BPIFB4: variants seen among roughly 807,000 people sequenced by gnomAD.
The protein encoded by BPIFB4 is BPI fold-containing family B member 4.
A neutral mutation model predicts 69.2 loss-of-function variants in BPIFB4; 62 were observed. That is an observed-to-expected ratio of 0.90 (90% confidence interval 0.73 to 1.11). BPIFB4 has a LOEUF of 1.11. Among genes scored for constraint, BPIFB4 ranks in the 50% least tolerant of loss-of-function variants. The pLI, the probability that BPIFB4 is intolerant of heterozygous loss-of-function variation, is 0.00. For missense variants in BPIFB4, 789 were observed against 792.0 expected, an observed-to-expected ratio of 1.00 and a Z score of 0.04; for synonymous variants, 330 against 332.7, an observed-to-expected ratio of 0.99 and a Z score of 0.09.
chr20:33,083,839 G>A lies in BPIFB4; in HGVS notation c.642G>A (p.Glu214=), dbSNP rs1272943586. ...GGGGTGTCCTGGGCGTGCTCGGCGA[G>A]GGTGGCATCCTCAGCACTGTGCAAG... ...GGGGVLGVLG[E]GGILSTVQGI... is the part of the protein sequence containing the mutation. The change falls in exon 5 of 18, where the codon GAG becomes GAA. Residue 214 remains glutamate (E), a synonymous_variant. Transcript: ENST00000375483. 5 of 1,613,316 alleles carry A rather than the reference G, an allele frequency of 3.1e-6. No individual in the cohort carries two copies. Among genetic ancestry groups the A allele is most frequent in the Non-Finnish European group, 4.2e-6 (5 of 1,179,722 alleles).
chr20:33,103,788 T>A (rs1981971156), intron 15 of BPIFB4, among the ~76,000 whole-genome samples: 1 of 152,236 alleles, frequency 6.6e-6, no homozygotes, highest in Non-Finnish European at 1.5e-5. Context: ...GTGAAGCCGA[T>A]CTTGCCAGCT....
At chr20:33,092,991 T>C (rs1981651991) in intron 11 of BPIFB4, among the ~76,000 whole-genome samples, 1 of 152,216 alleles carries the variant, frequency 6.6e-6, no homozygotes, top group African/African-American at 2.4e-5. Context: ...AATGTTTTCA[T>C]TTGGTAAACA....
chr20:33,110,483 G>T (rs1305433571), intron 17 of BPIFB4, among the ~76,000 whole-genome samples: 1 of 152,138 alleles, frequency 6.6e-6, no homozygotes, highest in Non-Finnish European at 1.5e-5. Flanking sequence ...TCCCTTAGTA[G>T]CTAATCAATC....
chr20:33,089,592 G>A, intron 9 of BPIFB4, 34 bp downstream of exon 9: 1 of 1,614,152 alleles, frequency 6.2e-7, no homozygotes, highest in African/African-American at 1.3e-5. Context: ...GCCTGGGGAA[G>A]GCACTGAGGA....
At chr20:33,100,343 G>A in intron 13 of BPIFB4, 83 bp from the exon 14 acceptor site, 1 of 1,210,072 alleles carries the variant, frequency 8.3e-7, no homozygotes, top group Non-Finnish European at 1.2e-6. Context: ...GCCCTAGCTA[G>A]CACTGGGCAC....
In BPIFB4 at chr20:33,107,726, C is replaced by A. The variant is rs767538081; in HGVS notation, c.1745-18C>A. On this transcript the variant is annotated intron_variant, in intron 16 of 17. Transcript: ENST00000375483. ...CTCTTGGACCACTGACCATGTCTGA[C>A]TGTTTTTTATTTTACAGCTGTGCTG... The A allele has an allele frequency of 6.2e-7, 1 of 1,605,786 alleles. No homozygotes were observed. The highest frequency in any genetic ancestry group is 1.1e-5 in the South Asian group (1 of 90,804).
intron 10 of BPIFB4, 71 bp from the exon 11 acceptor site, chr20:33,092,387 C>T (rs1420709108): frequency 2.8e-6 from 4 of 1,405,928 alleles, no homozygotes; most frequent in African/African-American, 2.8e-5. Context: ...TTCAGGGCCT[C>T]ACTCCAGCCT....
chr20:33,106,427 C>G (rs1238101452), intron 16 of BPIFB4, among the ~76,000 whole-genome samples: 4 of 142,074 alleles, frequency 2.8e-5, no homozygotes, highest in Non-Finnish European at 6.0e-5. Context: ...GGCTAGAGTA[C>G]AGTGGCACGA....
Position 33,088,972 on chromosome 20 carries a change from C to A in BPIFB4, c.933C>A (p.Leu311=). ...CCTGCTCCTGTCTCCTTAGGCTTCT[C>A]CCCAATCTCGTGGACAATTTAGTGA... ...GIKVKLLRGL[L]PNLVDNLVNR... is the part of the protein sequence containing the mutation. The change falls in exon 8 of 18, where the codon CTC becomes CTA. Residue 311 remains leucine (L), a synonymous_variant. Coordinates refer to ENST00000375483, the MANE Select transcript of BPIFB4 (RefSeq NM_182519.3). 6.2e-7 allele frequency: 1 copy of A among 1,613,856 alleles called. No homozygotes were observed. Among genetic ancestry groups the A allele is most frequent in the South Asian group, 1.1e-5 (1 of 91,064 alleles).
At chr20:33,099,520 C>G (rs1272696072) in intron 13 of BPIFB4, among the ~76,000 whole-genome samples, 1 of 152,220 alleles carries the variant, frequency 6.6e-6, no homozygotes, top group Non-Finnish European at 1.5e-5. Context: ...CTCTGCCTGG[C>G]TTGGTCCCTT....
At position 33,083,452 on chromosome 20, in the gene BPIFB4, C is replaced by A; in HGVS notation, c.255C>A (p.Tyr85Ter). Residue 85 changes from tyrosine to a stop codon, truncating the protein, a stop_gained, in exon 5 of 18, where the codon TAC (tyrosine) becomes TAA (stop). Coordinates refer to ENST00000375483, the MANE Select transcript of BPIFB4 (RefSeq NM_182519.3). LOFTEE classifies it high-confidence loss of function. ...ACGGCAAAAAACTTGATGGTATTTA[C>A]CAGTATGGTCACATTGAGACCAACG... ...YTNGKKLDGIYQYGHIETNDN... is the reference protein window; with the variant it reads ...YTNGKKLDGI 1 of 1,613,834 alleles carries A rather than the reference C, an allele frequency of 6.2e-7. No individual in the cohort carries two copies. The highest frequency in any genetic ancestry group is 1.1e-5 in the South Asian group (1 of 91,048).
chr20:33,092,667 C>G lies in BPIFB4; in HGVS notation c.1344+9C>G. The G allele has an allele frequency of 6.2e-7, 1 of 1,601,962 alleles. No homozygotes were observed. Among genetic ancestry groups the G allele is most frequent in the Non-Finnish European group, 8.5e-7 (1 of 1,175,386 alleles). Reference sequence around the variant, plus strand: ...ATATCACCAATGGCATGGTGAGTCACAGCCCCACCAGGGGGAGGTGGCTGG... The same window carrying G: ...ATATCACCAATGGCATGGTGAGTCAGAGCCCCACCAGGGGGAGGTGGCTGG... On this transcript the variant is annotated intron_variant, in intron 11 of 17. Coordinates refer to ENST00000375483, the MANE Select transcript of BPIFB4 (RefSeq NM_182519.3).
intron 8 of BPIFB4, 35 bp from the exon 9 acceptor site, chr20:33,089,463 C>T (rs1279166635): frequency 5.0e-6 from 8 of 1,614,010 alleles, no homozygotes; most frequent in East Asian, 4.5e-5. Flanking sequence ...CTCCCTGCAG[C>T]GTCAACAAGG....
intron 17 of BPIFB4, among the ~76,000 whole-genome samples, chr20:33,110,829 T>C (rs1223932167): frequency 1.3e-5 from 2 of 150,866 alleles, no homozygotes; most frequent in Non-Finnish European, 3.0e-5. Flanking sequence ...TTTTTTTTTT[T>C]TTTGAGAGGG....
chr20:33,089,145 C>A, intron 8 of BPIFB4, 116 bp downstream of exon 8: 2 of 1,507,640 alleles, frequency 1.3e-6, no homozygotes, highest in Non-Finnish European at 1.8e-6. Context: ...CAGAGAGAGC[C>A]AAGGCCTGGG....
intron 15 of BPIFB4, 170 bp from the exon 16 acceptor site, chr20:33,104,640 T>G: frequency 3.3e-6 from 2 of 603,956 alleles, no homozygotes; most frequent in Non-Finnish European, 5.8e-6. Flanking sequence ...GGGGGCACCT[T>G]AAGGCTGCCG....
At chr20:33,086,241 C>G in intron 7 of BPIFB4, 77 bp downstream of exon 7, 1 of 1,534,620 alleles carries the variant, frequency 6.5e-7, no homozygotes, top group Non-Finnish European at 9.0e-7. Flanking sequence ...TGACGTCACC[C>G]ACCTGCCCAT....
chr20:33,108,436 T>TATATATATATATATATACACACAC (rs1271417747), intron 17 of BPIFB4, among the ~76,000 whole-genome samples: 2 of 148,514 alleles, frequency 1.3e-5, no homozygotes, highest in African/African-American at 5.0e-5. Context: ...TATATATATA[T>TATATATATATATATATACACACAC]AGACATATAT....
intron 16 of BPIFB4, among the ~76,000 whole-genome samples, chr20:33,105,288 A>G (rs931228955): frequency 1.3e-5 from 2 of 152,138 alleles, no homozygotes; most frequent in Admixed American, 1.3e-4. Flanking sequence ...ATATTTAAAC[A>G]TGTATTTATT....
Sources: allele counts gnomAD v4.1 joint callset (sites outside exome capture counted in the v4.1 genomes callset), GRCh38; gene constraint gnomAD v4.1.1; transcripts MANE v1.5; gene names NCBI Gene and HGNC (gene_info 2026-07-23, HGNC 2026-07-21).